Variants in SENP7 observed in about 807,000 individuals in gnomAD.
SENP7 encodes the protein sentrin-specific protease 7.
In SENP7, 64 loss-of-function variants were observed where a neutral mutation model predicts 141.2. That is an observed-to-expected ratio of 0.45 (90% CI 0.37 to 0.56). The LOEUF (loss-of-function observed/expected upper bound fraction) is 0.56, where lower values mean the gene tolerates loss of function less well. Ranked by LOEUF, SENP7 falls within the 20% of genes least tolerant of loss-of-function variation. SENP7 has a pLI of 0.00. For synonymous variants in SENP7, 382 were observed against 426.4 expected, an observed-to-expected ratio of 0.90 and a Z score of 1.28; for missense variants, 1,025 against 1,212.2, an observed-to-expected ratio of 0.85 and a Z score of 2.29.
intron 2 of SENP7, among the ~76,000 whole-genome samples, chr3:101,495,749 A>G (rs762699153): frequency 1.4e-4 from 21 of 152,166 alleles, no homozygotes; most frequent in Non-Finnish European, 1.8e-4. Flanking sequence ...GGCCTGTCAG[A>G]CCGGTAGAGG....
At chr3:101,505,051 C>T (rs548812869) in intron 1 of SENP7, among the ~76,000 whole-genome samples, 2 of 150,756 alleles carry the variant, frequency 1.3e-5, no homozygotes, top group South Asian at 2.1e-4. Flanking sequence ...GACGACAGAG[C>T]GAAACCATTT....
At chr3:101,355,267 C>T (rs1413361460) in intron 11 of SENP7, among the ~76,000 whole-genome samples, 1 of 151,910 alleles carries the variant, frequency 6.6e-6, no homozygotes, top group African/African-American at 2.4e-5. Context: ...TTGACATCCT[C>T]GTCATGAAAT....
intron 5 of SENP7, among the ~76,000 whole-genome samples, chr3:101,410,922 TTC>T (rs2061440753): frequency 7.4e-6 from 1 of 135,270 alleles, no homozygotes; most frequent in South Asian, 2.4e-4. Context: ...CAAAGTCCAA[TTC>T]CTACTTTACT....
intron 3 of SENP7, among the ~76,000 whole-genome samples, chr3:101,463,380 T>TATATATAC (rs1553744726): frequency 4.4e-4 from 32 of 72,128 alleles, no homozygotes; most frequent in Middle Eastern, 6.1e-3. Context: ...TATATATATA[T>TATATATAC]ATATATATAT....
At chr3:101,330,017 G>A (rs1336531972) in intron 20 of SENP7, among the ~76,000 whole-genome samples, 1 of 151,126 alleles carries the variant, frequency 6.6e-6, no homozygotes, top group Non-Finnish European at 1.5e-5. Flanking sequence ...TGCTTAAGAT[G>A]ATTAATTACC....
chr3:101,389,385 A>C (rs761993345), intron 6 of SENP7, among the ~76,000 whole-genome samples: 1 of 152,190 alleles, frequency 6.6e-6, no homozygotes, highest in Non-Finnish European at 1.5e-5. Flanking sequence ...CAACAAGAAA[A>C]TTCTAAGAAC....
chr3:101,355,302 T>C (rs2059711324), intron 11 of SENP7, among the ~76,000 whole-genome samples: 1 of 152,202 alleles, frequency 6.6e-6, no homozygotes, highest in African/African-American at 2.4e-5. Flanking sequence ...ATATTCAGAA[T>C]GATACTGCCT....
At chr3:101,444,513 C>G (rs2062809009) in intron 4 of SENP7, among the ~76,000 whole-genome samples, 1 of 151,920 alleles carries the variant, frequency 6.6e-6, no homozygotes. Context: ...CAATGATAGA[C>G]TGGATGAAGA....
chr3:101,401,702 C>T (rs2061148425), intron 5 of SENP7, among the ~76,000 whole-genome samples: 1 of 152,152 alleles, frequency 6.6e-6, no homozygotes, highest in Non-Finnish European at 1.5e-5. Context: ...GCAAGATACT[C>T]TCTTCAATTC....
intron 4 of SENP7, among the ~76,000 whole-genome samples, chr3:101,437,740 C>A (rs1275115402): frequency 6.6e-6 from 1 of 151,754 alleles, no homozygotes; most frequent in African/African-American, 2.4e-5. Context: ...TAAAACTCAA[C>A]AATAAAAAAC....
rs543651052 is a variant in SENP7, at chr3:101,422,589, C to T, written c.285-4799G>A. Among the ~76,000 whole-genome samples the T allele has an allele frequency of 1.0e-3, 152 of 152,190 alleles. 1 individual carries two copies. Among genetic ancestry groups the T allele is most frequent in the African/African-American group, 3.3e-3 (138 of 41,528 alleles). ...AGGTAGGCTGGTTCCTGTTACTTGC[C>T]TAGGCTTTTTAGAACCATCCAACTG... On this transcript the variant is annotated intron_variant, in intron 4 of 23. Coordinates refer to ENST00000394095, the MANE Select transcript of SENP7 (RefSeq NM_020654.5).
At chr3:101,476,642 T>C (rs1356782209) in intron 3 of SENP7, among the ~76,000 whole-genome samples, 1 of 152,176 alleles carries the variant, frequency 6.6e-6, no homozygotes, top group Non-Finnish European at 1.5e-5. Context: ...GGTCAAATGG[T>C]ATTTCTGGTT....
At position 101,468,445 on chromosome 3, in the gene SENP7, G is replaced by C. The variant is rs147790957; in HGVS notation, c.187-9393C>G. Among the ~76,000 whole-genome samples the C allele has an allele frequency of 6.0e-3, 909 of 152,280 alleles. 6 individuals carry two copies. Among genetic ancestry groups the C allele is most frequent in the African/African-American group, 0.021 (855 of 41,552 alleles). ...GCTGAAATGAAGGGAAAAGTGTTAAGGGCAGCCAGAGAGAAAGGTCGAGTT... is the reference window on the plus strand; with the variant it reads ...GCTGAAATGAAGGGAAAAGTGTTAACGGCAGCCAGAGAGAAAGGTCGAGTT... On this transcript the variant is annotated intron_variant, in intron 3 of 23. Coordinates refer to ENST00000394095, the MANE Select transcript of SENP7 (RefSeq NM_020654.5).
chr3:101,352,254 A>T (rs969061151), intron 11 of SENP7, among the ~76,000 whole-genome samples: 5 of 152,050 alleles, frequency 3.3e-5, no homozygotes, highest in African/African-American at 1.2e-4. Flanking sequence ...GAACTAAAAA[A>T]TTCAGTTGTT....
chr3:101,459,190 A>C (rs995524828), intron 3 of SENP7, 138 bp from the exon 4 acceptor site: 4 of 455,344 alleles, frequency 8.8e-6, no homozygotes, highest in African/African-American at 8.0e-5. Context: ...AGTGCAATCT[A>C]TGGAATATCT....
chr3:101,327,915 T>C, intron 22 of SENP7, 99 bp from the exon 23 acceptor site: 1 of 963,732 alleles, frequency 1.0e-6, no homozygotes, highest in South Asian at 1.9e-5. Flanking sequence ...CCAGATGTGC[T>C]GTCTCAAGCC....
At chr3:101,328,356 A>T in intron 22 of SENP7, 122 bp downstream of exon 22, 1 of 620,266 alleles carries the variant, frequency 1.6e-6, no homozygotes, top group Non-Finnish European at 2.8e-6. Context: ...AATTTATAGG[A>T]TTGTTGAAAT....
chr3:101,330,327 CACTT>C lies in SENP7; in HGVS notation c.2751+3_2751+6del. On this transcript the variant is annotated splice_donor_5th_base_variant and intron_variant, in intron 20 of 23. Transcript: ENST00000394095. ...CCTTCCTTCCCATCTGTAAAGAACA[CACTT>C]ACTTGGGAATCCTCTGCACTCAAAG... is the stretch of plus-strand genomic sequence containing the variant. 1 of 1,592,562 alleles carries C rather than the reference CACTT, an allele frequency of 6.3e-7. No individual in the cohort carries two copies. Among genetic ancestry groups the C allele is most frequent in the Non-Finnish European group, 8.6e-7 (1 of 1,161,192 alleles).
At chr3:101,494,677 C>T (rs1005228374) in intron 2 of SENP7, among the ~76,000 whole-genome samples, 3 of 152,014 alleles carry the variant, frequency 2.0e-5, no homozygotes, top group African/African-American at 7.3e-5. Context: ...ACAAACCTGA[C>T]AAAAACAAGC....
Sources: gnomAD v4.1 joint callset for allele counts (sites outside exome capture counted in the v4.1 genomes callset) on GRCh38, gnomAD v4.1.1 for gene constraint, MANE v1.5 for transcripts, NCBI Gene and HGNC (gene_info 2026-07-23, HGNC 2026-07-21) for gene names.